KCNMA1: variants seen among roughly 807,000 people sequenced by gnomAD.
KCNMA1 encodes the protein potassium calcium-activated channel subfamily M alpha 1.
A neutral mutation model predicts 140.0 loss-of-function variants in KCNMA1; 29 were observed. That is an observed-to-expected ratio of 0.21 (90% CI 0.15 to 0.28). KCNMA1 has a LOEUF of 0.28. Among genes scored for constraint, KCNMA1 ranks in the 10% least tolerant of loss-of-function variants. The pLI, the probability that KCNMA1 is intolerant of heterozygous loss-of-function variation, is 1.00. For missense variants in KCNMA1, 880 were observed against 1,602.2 expected (o/e 0.55, Z 7.70); for synonymous variants, 612 against 611.9 (o/e 1.00, Z 0.00).
chr10:77,319,205 A>C (rs1427196438), intron 2 of KCNMA1, among the ~76,000 whole-genome samples: 3 of 152,144 alleles, frequency 2.0e-5, no homozygotes, highest in Non-Finnish European at 2.9e-5. Flanking sequence ...TGCCCTGAAT[A>C]ACTTTCATCC....
At chr10:77,579,309 A>C (rs933978662) in intron 1 of KCNMA1, among the ~76,000 whole-genome samples, 1 of 152,326 alleles carries the variant, frequency 6.6e-6, no homozygotes, top group Middle Eastern at 3.4e-3. Context: ...AAATGGCCAC[A>C]GGTGTGTGCG....
chr10:76,981,768 C>T (rs1246918992), intron 19 of KCNMA1, among the ~76,000 whole-genome samples: 1 of 152,212 alleles, frequency 6.6e-6, no homozygotes, highest in Non-Finnish European at 1.5e-5. Context: ...CTTCTGATCT[C>T]ATGCCTTGCA....
intron 14 of KCNMA1, among the ~76,000 whole-genome samples, chr10:77,067,851 C>G (rs1193092469): frequency 6.6e-6 from 1 of 152,188 alleles, no homozygotes; most frequent in Non-Finnish European, 1.5e-5. Context: ...TGAAGCTTAC[C>G]AGAGCTTCCT....
At chr10:76,934,817 AT>A (rs2060138786) in intron 23 of KCNMA1, among the ~76,000 whole-genome samples, 1 of 152,070 alleles carries the variant, frequency 6.6e-6, no homozygotes, top group Non-Finnish European at 1.5e-5. Flanking sequence ...TCTCTGGACC[AT>A]TTTCTGAGCC....
intron 9 of KCNMA1, among the ~76,000 whole-genome samples, chr10:77,104,666 G>A (rs2097165445): frequency 6.6e-6 from 1 of 152,240 alleles, no homozygotes; most frequent in African/African-American, 2.4e-5. Context: ...CCTCTAACAA[G>A]GGGGTTACAG....
At chr10:76,955,113 C>T (rs1160912205) in intron 20 of KCNMA1, among the ~76,000 whole-genome samples, 2 of 151,918 alleles carry the variant, frequency 1.3e-5, no homozygotes, top group East Asian at 1.9e-4. Flanking sequence ...AAATATACAT[C>T]GGGTCACATT....
chr10:77,353,753 A>C (rs2154391646), intron 2 of KCNMA1, among the ~76,000 whole-genome samples: 1 of 152,288 alleles, frequency 6.6e-6, no homozygotes, highest in Admixed American at 6.5e-5. Context: ...ATCCCAACTA[A>C]GTTGGAAGGC....
intron 2 of KCNMA1, among the ~76,000 whole-genome samples, chr10:77,393,503 G>T (rs980907168): frequency 2.6e-5 from 4 of 152,216 alleles, no homozygotes; most frequent in African/African-American, 9.6e-5. Context: ...TCCCCATTTT[G>T]TAGATGAGGA....
chr10:77,303,642 C>A (rs1178065115), intron 2 of KCNMA1, among the ~76,000 whole-genome samples: 1 of 152,184 alleles, frequency 6.6e-6, no homozygotes, highest in Non-Finnish European at 1.5e-5. Context: ...GCAGCACAGT[C>A]CCTCCCATGC....
At chr10:77,508,340 A>T (rs1324445397) in intron 1 of KCNMA1, among the ~76,000 whole-genome samples, 17 of 131,630 alleles carry the variant, frequency 1.3e-4, no homozygotes, top group African/African-American at 4.1e-4. Flanking sequence ...ATGCCTGGCT[A>T]TTTTTTTTTT....
intron 2 of KCNMA1, among the ~76,000 whole-genome samples, chr10:77,270,530 CTTT>C (rs796710174): frequency 2.1e-5 from 3 of 142,558 alleles, no homozygotes; most frequent in African/African-American, 5.2e-5. Context: ...CTCTCTCTTT[CTTT>C]TTTTTTTTTC....
intron 2 of KCNMA1, among the ~76,000 whole-genome samples, chr10:77,292,175 G>A (rs924963025): frequency 2.0e-5 from 3 of 152,180 alleles, no homozygotes; most frequent in African/African-American, 7.2e-5. Flanking sequence ...AGCAGAGATA[G>A]AAGGCACAGC....
At position 77,108,065 on chromosome 10, in the gene KCNMA1, T is replaced by C. The variant is rs2097233278; in HGVS notation, c.1223+416A>G. On this transcript the variant is annotated intron_variant, in intron 9 of 27. Transcript: ENST00000286628. The surrounding 1 kb of genome is among the most constrained non-coding windows in gnomAD (Gnocchi z 4.6). Reference sequence around the variant, plus strand: ...TGGGCCCAGTTATAAATGGACTCCTTTCAGGATAAATTCATTACATCTCTT... The same window carrying C: ...TGGGCCCAGTTATAAATGGACTCCTCTCAGGATAAATTCATTACATCTCTT... Among the ~76,000 whole-genome samples, 2 of 152,162 alleles carry C rather than the reference T, an allele frequency of 1.3e-5. No homozygotes were observed. Among genetic ancestry groups the C allele is most frequent in the African/African-American group, 4.8e-5 (2 of 41,448 alleles).
At chr10:77,581,315 C>CT (rs11392217) in intron 1 of KCNMA1, among the ~76,000 whole-genome samples, 111,226 of 148,264 alleles carry the variant, frequency 0.75, 41,710 homozygotes, top group African/African-American at 0.82. Flanking sequence ...ATTCTCAACA[C>CT]TTTTTTTTTT....
intron 27 of KCNMA1, chr10:76,887,749 C>T: frequency 3.6e-6 from 2 of 559,122 alleles, no homozygotes; most frequent in South Asian, 2.0e-5. Context: ...GGAATTAGAG[C>T]CAGTAATGGA....
intron 1 of KCNMA1, among the ~76,000 whole-genome samples, chr10:77,478,683 G>T (rs1261767036): frequency 6.6e-6 from 1 of 152,130 alleles, no homozygotes; most frequent in South Asian, 2.1e-4. Context: ...ATTTCAGATG[G>T]TTTCCTCTCA....
chr10:77,569,206 G>A (rs918511715), intron 1 of KCNMA1, among the ~76,000 whole-genome samples: 2 of 83,188 alleles, frequency 2.4e-5, no homozygotes, highest in African/African-American at 8.7e-5. Context: ...AGCTACCAAT[G>A]ACTTTCTTCA....
chr10:77,019,941 T>C (rs1388826039), intron 16 of KCNMA1: 3 of 152,190 alleles, frequency 2.0e-5, no homozygotes, highest in African/African-American at 7.2e-5. Flanking sequence ...AAGTTGTGTT[T>C]GGACTGACAG....
At chr10:77,072,067 C>A (rs1479044363) in intron 14 of KCNMA1, among the ~76,000 whole-genome samples, 1 of 152,156 alleles carries the variant, frequency 6.6e-6, no homozygotes, top group Non-Finnish European at 1.5e-5. Flanking sequence ...GGTCTCATAC[C>A]TTTGATTGCA....
Sources: gnomAD v4.1 joint callset for allele counts (sites outside exome capture counted in the v4.1 genomes callset) on GRCh38, gnomAD v4.1.1 for gene constraint, Gnocchi (gnomAD v3.1) non-coding constraint, MANE v1.5 for transcripts, NCBI Gene and HGNC (gene_info 2026-07-23, HGNC 2026-07-21) for gene names.